Variants in ANO10 observed in about 807,000 individuals in gnomAD.
ANO10 encodes anoctamin-10.
In ANO10, 77 loss-of-function variants were observed where a neutral mutation model predicts 74.7. That is an observed-to-expected ratio of 1.03 (90% confidence interval 0.86 to 1.25). ANO10 has a LOEUF of 1.25. Among genes scored for constraint, ANO10 ranks in the 50% most tolerant of loss-of-function variants. ANO10 has a pLI of 0.00. For missense variants in ANO10, 721 were observed against 778.1 expected, an observed-to-expected ratio of 0.93 and a Z score of 0.87; for synonymous variants, 279 against 284.9, an observed-to-expected ratio of 0.98 and a Z score of 0.21.
rs539602507 is a variant in ANO10 at position 43,605,991 on chromosome 3, T to C, written c.-11-128A>G. 2.6e-5 allele frequency: 25 copies of C among 978,730 alleles called. No individual in the cohort carries two copies. The South Asian group carries it at 3.6e-4, about 14-fold the overall frequency. The allele number at this position is 978,730 out of a possible 1,614,324, so 60.6% of individuals were successfully genotyped here. The stretch of plus-strand genomic sequence containing the variant: ...CAAGATAAAAGCAAATTTCTCGTGA[T>C]TCAGATGGGTTATATGACAGACTCA... On this transcript the variant is annotated intron_variant, in intron 1 of 12. Transcript: ENST00000292246.
chr3:43,561,183 C>A, intron 9 of ANO10, 37 bp downstream of exon 9: 1 of 1,599,192 alleles, frequency 6.3e-7, no homozygotes, highest in Non-Finnish European at 8.6e-7. Context: ...ATTATTCACT[C>A]TCAGTAAATG....
In ANO10 at chr3:43,603,662, T is replaced by G. The variant is rs560931573; in HGVS notation, c.139+2052A>C. Among the ~76,000 whole-genome samples, 3 of 152,350 alleles carry G rather than the reference T, an allele frequency of 2.0e-5. No individual in the cohort carries two copies. In the South Asian group the frequency reaches 6.2e-4, roughly 32 times the overall value. ...GTGATCTTTTATTACATGTTCACGT[T>G]TAAGAAAGGGGCTGTATGAGTCTAA... On this transcript the variant is annotated intron_variant, in intron 2 of 12. Transcript: ENST00000292246.
chr3:43,626,424 G>A (rs1407853199), upstream of ANO10, among the ~76,000 whole-genome samples: 4 of 150,390 alleles, frequency 2.7e-5, no homozygotes, highest in African/African-American at 4.9e-5. Context: ...TCAGCCTCCC[G>A]AGTAGCTGGG....
intron 11 of ANO10, among the ~76,000 whole-genome samples, chr3:43,529,148 C>T (rs990382697): frequency 6.6e-6 from 1 of 152,082 alleles, no homozygotes; most frequent in Admixed American, 6.6e-5. Context: ...ACAAAATGAC[C>T]AAGTCACTTG....
intron 1 of ANO10, among the ~76,000 whole-genome samples, chr3:43,629,486 C>T (rs1182540968): frequency 6.6e-6 from 1 of 152,120 alleles, no homozygotes; most frequent in African/African-American, 2.4e-5. Context: ...AGATGAGAGA[C>T]ATTATTCAGA....
chr3:43,386,679 G>GTT (rs1379018453), intron 12 of ANO10, among the ~76,000 whole-genome samples: 3 of 148,718 alleles, frequency 2.0e-5, no homozygotes, highest in Admixed American at 1.3e-4. Context: ...GTGTGTGTGT[G>GTT]TGTGTGTGTC....
intron 9 of ANO10, among the ~76,000 whole-genome samples, chr3:43,556,888 A>C (rs1184924966): frequency 6.6e-6 from 1 of 152,230 alleles, no homozygotes; most frequent in African/African-American, 2.4e-5. Flanking sequence ...AAGGGTAAAA[A>C]CTGAAGGAAG....
intron 11 of ANO10, among the ~76,000 whole-genome samples, chr3:43,495,856 C>T (rs1300012340): frequency 6.6e-6 from 1 of 152,086 alleles, no homozygotes; most frequent in East Asian, 1.9e-4. Context: ...CCTGCCACCA[C>T]ACCTAGCTAA....
chr3:43,425,702 A>G (rs1269132935), intron 12 of ANO10, among the ~76,000 whole-genome samples: 2 of 152,170 alleles, frequency 1.3e-5, no homozygotes, highest in Non-Finnish European at 2.9e-5. Flanking sequence ...ACAAATTGCA[A>G]CCTGGCTGCA....
intron 11 of ANO10, among the ~76,000 whole-genome samples, chr3:43,516,162 C>A (rs1372090071): frequency 6.6e-6 from 1 of 152,074 alleles, no homozygotes; most frequent in African/African-American, 2.4e-5. Flanking sequence ...AACTGATCAA[C>A]TAGGGGAGAG....
intron 1 of ANO10, among the ~76,000 whole-genome samples, chr3:43,649,932 C>G (rs749393100): frequency 1.3e-5 from 2 of 152,180 alleles, no homozygotes; most frequent in African/African-American, 4.8e-5. Context: ...GTCCAGGGGT[C>G]GGAGGCTGTG....
chr3:43,516,349 C>T (rs1017310503), intron 11 of ANO10, among the ~76,000 whole-genome samples: 2 of 151,986 alleles, frequency 1.3e-5, no homozygotes, highest in Admixed American at 1.3e-4. Flanking sequence ...AAATTCCAGG[C>T]CAAAGAAAAC....
chr3:43,680,386 A>G (rs187533827), intron 1 of ANO10, among the ~76,000 whole-genome samples: 3,213 of 152,310 alleles, frequency 0.021, 55 homozygotes, highest in South Asian at 0.091. Context: ...AGTTTAGAGA[A>G]AAAAGAATAA....
In ANO10 at chr3:43,410,104, T is replaced by C. The variant is rs550566669; in HGVS notation, c.1914+22507A>G. On this transcript the variant is annotated intron_variant, in intron 12 of 12. Transcript: ENST00000292246. ...ATAAAACGTATTACATTTTGTGAGA[T>C]TACCTTTTTCTTCCCTTACGAAATC... Among the ~76,000 whole-genome samples, 3 of 152,112 alleles carry C rather than the reference T, an allele frequency of 2.0e-5. 1 individual carries two copies. The South Asian group carries it at 6.2e-4, about 32-fold the overall frequency.
In ANO10 at chr3:43,432,389, T is replaced by C. The variant is rs367648950; in HGVS notation, c.1914+222A>G. Reference sequence around the variant, plus strand: ...TGCTAGCTCTATTCTTTATTTAACATTGCCTGAATATTTTTGTTTCTTTAG... The same window carrying C: ...TGCTAGCTCTATTCTTTATTTAACACTGCCTGAATATTTTTGTTTCTTTAG... On this transcript the variant is annotated intron_variant, in intron 12 of 12. Transcript: ENST00000292246. 3.3e-5 allele frequency among the ~76,000 whole-genome samples: 5 copies of C among 152,312 alleles called. No homozygotes were observed. The East Asian group carries it at 5.8e-4, about 18-fold the overall frequency.
intron 6 of ANO10, among the ~76,000 whole-genome samples, chr3:43,575,828 G>A (rs750414013): frequency 1.1e-4 from 16 of 152,020 alleles, no homozygotes; most frequent in Non-Finnish European, 1.5e-4. Context: ...TAGTAGAGAC[G>A]GGGTTTCACC....
intron 11 of ANO10, among the ~76,000 whole-genome samples, chr3:43,479,397 T>C (rs975082530): frequency 6.6e-6 from 1 of 152,194 alleles, no homozygotes; most frequent in African/African-American, 2.4e-5. Context: ...GATATATTTA[T>C]TAATTCAGAA....
intron 4 of ANO10, among the ~76,000 whole-genome samples, chr3:43,591,759 A>G (rs2081774160): frequency 6.6e-6 from 1 of 152,174 alleles, no homozygotes. Context: ...GGTGCAGGAC[A>G]GTGGGTGCAG....
intron 12 of ANO10, among the ~76,000 whole-genome samples, chr3:43,423,686 C>T (rs1270867610): frequency 6.6e-6 from 1 of 152,166 alleles, no homozygotes; most frequent in Non-Finnish European, 1.5e-5. Flanking sequence ...TTTATTTGTG[C>T]ATTAATCATC....
Sources: allele counts gnomAD v4.1 joint callset (sites outside exome capture counted in the v4.1 genomes callset), GRCh38; gene constraint gnomAD v4.1.1; transcripts MANE v1.5; gene names NCBI Gene and HGNC (gene_info 2026-07-23, HGNC 2026-07-21).